FREM2: variants seen among roughly 807,000 people sequenced by gnomAD.
FREM2 encodes FRAS1 related extracellular matrix 2.
In FREM2, 119 loss-of-function variants were observed where a neutral mutation model predicts 219.9. That is an observed-to-expected ratio of 0.54 (90% CI 0.47 to 0.63). FREM2 has a LOEUF of 0.63. FREM2 is among the 30% of genes least tolerant of loss of function. The pLI is 0.00. For synonymous variants in FREM2, 1,562 were observed against 1,522.8 expected (o/e 1.03, Z -0.60); for missense variants, 4,030 against 3,993.6 (o/e 1.01, Z -0.25).
At chr13:38,770,776 A>T (rs1873630291) in intron 4 of FREM2, among the ~76,000 whole-genome samples, 1 of 151,264 alleles carries the variant, frequency 6.6e-6, no homozygotes, top group Non-Finnish European at 1.5e-5. Flanking sequence ...GTGAACCTTA[A>T]TGCTTTTGTG....
intron 6 of FREM2, among the ~76,000 whole-genome samples, chr13:38,813,180 T>G (rs1875563055): frequency 6.6e-6 from 1 of 152,066 alleles, no homozygotes; most frequent in African/African-American, 2.4e-5. Context: ...TGATTTCTTC[T>G]TGCTCATTAA....
At chr13:38,780,726 G>A (rs768955803) in intron 4 of FREM2, among the ~76,000 whole-genome samples, 11 of 152,176 alleles carry the variant, frequency 7.2e-5, no homozygotes, top group Non-Finnish European at 1.3e-4. Flanking sequence ...CAGTGGTCAG[G>A]ATCTGATGAT....
At chr13:38,784,889 A>G (rs1874266433) in intron 6 of FREM2, 81 bp downstream of exon 6, 1 of 1,429,052 alleles carries the variant, frequency 7.0e-7, no homozygotes, top group Non-Finnish European at 9.7e-7. Flanking sequence ...AAAAATGGGA[A>G]TCTAAAACAA....
intron 16 of FREM2, among the ~76,000 whole-genome samples, chr13:38,870,897 A>G (rs1029470755): frequency 5.3e-5 from 8 of 152,356 alleles, no homozygotes; most frequent in Admixed American, 4.6e-4. Flanking sequence ...TAGCACCTAT[A>G]AAGCTTAATT....
intron 15 of FREM2, among the ~76,000 whole-genome samples, chr13:38,862,204 A>T (rs1298511340): frequency 6.6e-6 from 1 of 152,226 alleles, no homozygotes; most frequent in Non-Finnish European, 1.5e-5. Flanking sequence ...GTTATATTTT[A>T]TGTAGCTAAG....
Position 38,697,703 on chromosome 13 carries a change from A to G in FREM2, c.5179A>G (p.Ile1727Val), listed in dbSNP as rs1472904769. 3.2e-6 allele frequency: 5 copies of G among 1,577,792 alleles called. No individual in the cohort carries two copies. The highest frequency in any genetic ancestry group is 1.1e-5 in the South Asian group (1 of 90,310). ...HSITQFTQAD[I>V]DDMKICYVLR... ...GTTTTTTGGTTATTTTCTAGCTGAC[A>G]TTGATGACATGAAAATATGCTATGT... Residue 1727 changes from isoleucine to valine, a missense_variant, in exon 2 of 24, where the codon ATT becomes GTT. This residue lies in a region of FREM2 where 3,102 missense variants were observed against 2,950.7 expected (regional missense o/e 1.05). Transcript: ENST00000280481.
rs149965899 is a variant in FREM2 at position 38,852,141 on chromosome 13, C to G, written c.6925+273C>G. The stretch of plus-strand genomic sequence containing the variant: ...CAATACCCACCTCCTGCCACTCCCC[C>G]ACCCTCCCAAGCCTTCAGTGTTTAT... On this transcript the variant is annotated intron_variant, in intron 11 of 23. Coordinates refer to ENST00000280481, the MANE Select transcript of FREM2 (RefSeq NM_207361.6). Among the ~76,000 whole-genome samples, 314 of 152,274 alleles carry G rather than the reference C, an allele frequency of 2.1e-3. 1 individual carries two copies. The highest frequency in any genetic ancestry group is 7.3e-3 in the African/African-American group (304 of 41,550).
intron 2 of FREM2, among the ~76,000 whole-genome samples, chr13:38,717,231 C>T (rs557421836): frequency 6.6e-6 from 1 of 151,886 alleles, no homozygotes; most frequent in African/African-American, 2.4e-5. Flanking sequence ...CATGTCCTGC[C>T]CCACTGGGAT....
At chr13:38,709,808 T>C (rs1324697729) in intron 2 of FREM2, among the ~76,000 whole-genome samples, 1 of 152,054 alleles carries the variant, frequency 6.6e-6, no homozygotes, top group Non-Finnish European at 1.5e-5. Flanking sequence ...AACTGCTTAT[T>C]ATTAAGTGAC....
intron 3 of FREM2, among the ~76,000 whole-genome samples, chr13:38,766,353 T>C (rs1873434293): frequency 6.6e-6 from 1 of 152,214 alleles, no homozygotes; most frequent in African/African-American, 2.4e-5. Context: ...TAGGCTTTAC[T>C]TGGTTCACTT....
intron 2 of FREM2, among the ~76,000 whole-genome samples, chr13:38,717,226 C>T (rs551319184): frequency 3.3e-5 from 5 of 151,920 alleles, no homozygotes; most frequent in Non-Finnish European, 7.4e-5. Flanking sequence ...CCTTCCATGT[C>T]CTGCCCCACT....
chr13:38,747,393 A>ATTG (rs1491337077), intron 2 of FREM2, among the ~76,000 whole-genome samples: 1 of 56,824 alleles, frequency 1.8e-5, no homozygotes, highest in East Asian at 6.1e-4. Flanking sequence ...AGCTGATATA[A>ATTG]TATGTGTGTG....
intron 4 of FREM2, among the ~76,000 whole-genome samples, chr13:38,772,563 A>G (rs987164946): frequency 4.6e-5 from 7 of 152,212 alleles, no homozygotes; most frequent in Admixed American, 3.3e-4. Context: ...TCTCTCATTC[A>G]GTCCCTTGTA....
intron 2 of FREM2, among the ~76,000 whole-genome samples, chr13:38,728,115 G>C (rs546019199): frequency 6.6e-6 from 1 of 152,088 alleles, no homozygotes; most frequent in Non-Finnish European, 1.5e-5. Flanking sequence ...AAGCACTAGA[G>C]TCCTTGGTTT....
chr13:38,778,637 A>G (rs1873977346), intron 4 of FREM2, among the ~76,000 whole-genome samples: 1 of 151,994 alleles, frequency 6.6e-6, no homozygotes, highest in South Asian at 2.1e-4. Flanking sequence ...CACACTGGGC[A>G]TTTCAGAAGG....
intron 6 of FREM2, among the ~76,000 whole-genome samples, chr13:38,828,163 C>T (rs374822937): frequency 1.9e-4 from 29 of 152,172 alleles, no homozygotes; most frequent in African/African-American, 7.0e-4. Context: ...GGCAGGCTGT[C>T]TTACTTCCTT....
intron 2 of FREM2, among the ~76,000 whole-genome samples, chr13:38,711,903 C>A (rs1236755709): frequency 6.8e-6 from 1 of 147,032 alleles, no homozygotes; most frequent in Non-Finnish European, 1.5e-5. Flanking sequence ...GTCTCTGGGG[C>A]TGATAATTTC....
chr13:38,801,256 T>C (rs1874996053), intron 6 of FREM2, among the ~76,000 whole-genome samples: 1 of 152,224 alleles, frequency 6.6e-6, no homozygotes, highest in Non-Finnish European at 1.5e-5. Flanking sequence ...TGTTGATTTC[T>C]CTCTATTGTT....
intron 2 of FREM2, among the ~76,000 whole-genome samples, chr13:38,707,681 C>T: frequency 6.6e-6 from 1 of 152,138 alleles, no homozygotes; most frequent in East Asian, 1.9e-4. Flanking sequence ...AAGAATAGTT[C>T]AAGAGTGCCA....
Sources: allele counts gnomAD v4.1 joint callset (sites outside exome capture counted in the v4.1 genomes callset), GRCh38; gene constraint gnomAD v4.1.1; regional missense constraint gnomAD v4.1.1; transcripts MANE v1.5; gene names NCBI Gene and HGNC (gene_info 2026-07-23, HGNC 2026-07-21).